Variants in ARFGEF2 observed in about 807,000 individuals in gnomAD.
ARFGEF2 encodes ARF guanine nucleotide exchange factor 2, also known as brefeldin A-inhibited guanine nucleotide-exchange protein 2.
Under a neutral mutation model 219.9 loss-of-function variants are expected in ARFGEF2, and 74 were observed. That is an observed-to-expected ratio of 0.34 (90% CI 0.28 to 0.41). The LOEUF (loss-of-function observed/expected upper bound fraction) is 0.41. Ranked by LOEUF, ARFGEF2 falls within the 10% of genes least tolerant of loss-of-function variation. The pLI is 1.00. For missense variants in ARFGEF2, 1,743 were observed against 2,218.3 expected (o/e 0.79, Z 4.30); for synonymous variants, 733 against 799.2 (o/e 0.92, Z 1.40).
At chr20:48,966,396 A>G (rs2091187176) in intron 8 of ARFGEF2, among the ~76,000 whole-genome samples, 3 of 152,160 alleles carry the variant, frequency 2.0e-5, no homozygotes, top group African/African-American at 7.2e-5. Flanking sequence ...TAACCCATAG[A>G]TTGCCCTTGT....
chr20:49,008,108 C>A (rs891507194), intron 26 of ARFGEF2, among the ~76,000 whole-genome samples: 3 of 152,180 alleles, frequency 2.0e-5, no homozygotes, highest in Admixed American at 2.0e-4. Flanking sequence ...AGTAATTCCA[C>A]ACTTCTGTAA....
At chr20:48,956,333 C>T (rs1259797877) in intron 6 of ARFGEF2, among the ~76,000 whole-genome samples, 1 of 152,176 alleles carries the variant, frequency 6.6e-6, no homozygotes, top group East Asian at 1.9e-4. Flanking sequence ...GATAATTTGC[C>T]TCCCATGTTA....
intron 21 of ARFGEF2, among the ~76,000 whole-genome samples, chr20:48,992,847 A>C (rs2091364732): frequency 6.6e-6 from 1 of 152,154 alleles, no homozygotes; most frequent in African/African-American, 2.4e-5. Context: ...GTTCCAGACC[A>C]GCCTGGGCAA....
chr20:49,009,818 A>G (rs923743024), intron 26 of ARFGEF2, among the ~76,000 whole-genome samples: 5 of 152,232 alleles, frequency 3.3e-5, no homozygotes, highest in Non-Finnish European at 7.3e-5. Context: ...TGGCAGAATT[A>G]TATTATTTGA....
At position 49,031,478 on chromosome 20, in the gene ARFGEF2, G is replaced by A. The variant is rs369497958; in HGVS notation, c.5064-571G>A. The stretch of plus-strand genomic sequence containing the variant: ...TCCTGGCTTCAAGTGATCTGCTTGC[G>A]TTGGCCTCCCAGAGTGCTGGGATTA... On this transcript the variant is annotated intron_variant, in intron 37 of 38. Coordinates refer to ENST00000371917, the MANE Select transcript of ARFGEF2 (RefSeq NM_006420.3). 1.6e-4 allele frequency among the ~76,000 whole-genome samples: 24 copies of A among 152,132 alleles called. 1 individual carries two copies. The highest frequency in any genetic ancestry group is 1.4e-3 in the Admixed American group (22 of 15,280).
intron 29 of ARFGEF2, 35 bp from the exon 30 acceptor site, chr20:49,013,796 A>G (rs1388516677): frequency 1.9e-6 from 3 of 1,613,974 alleles, no homozygotes; most frequent in East Asian, 2.2e-5. Context: ...CTTCTCCACC[A>G]TTCTCTCTTC....
At chr20:48,941,541 A>C (rs1335330235) in intron 2 of ARFGEF2, among the ~76,000 whole-genome samples, 1 of 152,188 alleles carries the variant, frequency 6.6e-6, no homozygotes, top group Non-Finnish European at 1.5e-5. Context: ...AGGCATGAGG[A>C]CAGCTTGCAC....
chr20:48,976,255 G>T, intron 14 of ARFGEF2, 56 bp downstream of exon 14: 1 of 1,593,014 alleles, frequency 6.3e-7, no homozygotes, highest in South Asian at 1.1e-5. Context: ...ATTTTCTCTG[G>T]GAACCTGGAA....
intron 26 of ARFGEF2, among the ~76,000 whole-genome samples, chr20:49,007,212 G>T (rs577232259): frequency 6.6e-6 from 1 of 151,798 alleles, no homozygotes; most frequent in Non-Finnish European, 1.5e-5. Flanking sequence ...TAAAGGAAGA[G>T]ATGTCAAGGA....
intron 4 of ARFGEF2, 139 bp downstream of exon 4, chr20:48,951,608 C>G: frequency 8.3e-7 from 1 of 1,207,496 alleles, no homozygotes; most frequent in African/African-American, 1.5e-5. Context: ...TCACTTAGAT[C>G]TTTTGTTAGG....
intron 27 of ARFGEF2, 89 bp from the exon 28 acceptor site, chr20:49,011,835 G>A (rs2091500475): frequency 2.6e-5 from 31 of 1,188,050 alleles, no homozygotes; most frequent in Non-Finnish European, 3.5e-5. Flanking sequence ...TGATGTATGT[G>A]TGTGTGTGTG....
intron 6 of ARFGEF2, among the ~76,000 whole-genome samples, chr20:48,963,624 A>T (rs2091168578): frequency 6.6e-6 from 1 of 152,178 alleles, no homozygotes; most frequent in Non-Finnish European, 1.5e-5. Context: ...CACAAAGGGA[A>T]CCTCAAAAGC....
At chr20:48,941,071 A>G (rs979803857) in intron 1 of ARFGEF2, 128 bp from the exon 2 acceptor site, 20 of 828,404 alleles carry the variant, frequency 2.4e-5, no homozygotes, top group Admixed American at 4.2e-5. Flanking sequence ...TTCACTTCAT[A>G]TCAGCATTTT....
intron 25 of ARFGEF2, among the ~76,000 whole-genome samples, chr20:49,004,684 T>C (rs4810908): frequency 0.47 from 70,672 of 151,288 alleles, 18,082 homozygotes; most frequent in African/African-American, 0.67. Context: ...CCCAGCTACT[T>C]GGGAGGTTGA....
chr20:49,030,075 A>G (rs950249166), intron 37 of ARFGEF2, among the ~76,000 whole-genome samples: 3 of 149,632 alleles, frequency 2.0e-5, no homozygotes, highest in Non-Finnish European at 4.4e-5. Flanking sequence ...ACACCTGGCT[A>G]ATTTTTGTGT....
At chr20:49,014,634 A>G (rs1327327090) in intron 30 of ARFGEF2, among the ~76,000 whole-genome samples, 1 of 152,190 alleles carries the variant, frequency 6.6e-6, no homozygotes, top group East Asian at 1.9e-4. Flanking sequence ...TGGTTTAAAT[A>G]TGATTCGGAG....
At position 48,921,920 on chromosome 20, in the gene ARFGEF2, G is replaced by T. The variant is rs1209329243; in HGVS notation, c.31G>T (p.Val11Leu). Reference sequence around the variant, plus strand: ...GGAGAGCCAGACCAAGAGCATGTTCGTGTCCCGGGCCCTGGAGAAGATCCT... The same window carrying T: ...GGAGAGCCAGACCAAGAGCATGTTCTTGTCCCGGGCCCTGGAGAAGATCCT... MQESQTKSMF[V>L]SRALEKILAD... The change falls in exon 1 of 39, where the codon GTG becomes TTG. Residue 11 changes from valine to leucine, a missense_variant. Val to Leu is a conservative substitution (Grantham distance 32). This residue lies in a region of ARFGEF2 where 394 missense variants were observed against 426.6 expected (regional missense o/e 0.92). Coordinates refer to ENST00000371917, the MANE Select transcript of ARFGEF2 (RefSeq NM_006420.3). 6.4e-7 allele frequency: 1 copy of T among 1,554,448 alleles called. No individual in the cohort carries two copies. Among genetic ancestry groups the T allele is most frequent in the African/African-American group, 1.4e-5 (1 of 73,368 alleles).
chr20:49,006,438 T>G (rs1347504445), intron 26 of ARFGEF2, among the ~76,000 whole-genome samples: 1 of 152,180 alleles, frequency 6.6e-6, no homozygotes, highest in Non-Finnish European at 1.5e-5. Flanking sequence ...CATAATAAAA[T>G]TTAAAAACAA....
chr20:49,018,869 C>G lies in ARFGEF2; in HGVS notation c.4510-15C>G. ...AGAAAAGTGAGCATTGTGTTTCCCTCTGGTTTACATTTAGGATGTGGATCT... is the reference window on the plus strand; with the variant it reads ...AGAAAAGTGAGCATTGTGTTTCCCTGTGGTTTACATTTAGGATGTGGATCT... On this transcript the variant is annotated splice_polypyrimidine_tract_variant and intron_variant, in intron 33 of 38. Coordinates refer to ENST00000371917, the MANE Select transcript of ARFGEF2 (RefSeq NM_006420.3). 6.2e-7 allele frequency: 1 copy of G among 1,605,078 alleles called. No homozygotes were observed. The highest frequency in any genetic ancestry group is 8.5e-7 in the Non-Finnish European group (1 of 1,172,034).
Sources: gnomAD v4.1 joint callset for allele counts (sites outside exome capture counted in the v4.1 genomes callset) on GRCh38, gnomAD v4.1.1 for gene constraint, gnomAD v4.1.1 regional missense constraint, MANE v1.5 for transcripts, NCBI Gene and HGNC (gene_info 2026-07-23, HGNC 2026-07-21) for gene names.